The following LRBA variants were observed in gnomAD, a reference collection of about 807,000 sequenced individuals.
The protein encoded by LRBA is lipopolysaccharide-responsive and beige-like anchor protein.
Under a neutral mutation model 330.0 loss-of-function variants are expected in LRBA, and 176 were observed. The ratio of observed to expected loss-of-function variants is 0.53; its 90% CI spans 0.47 to 0.60. LRBA has a LOEUF of 0.60. Ranked by LOEUF, LRBA falls within the 20% of genes least tolerant of loss-of-function variation. LRBA has a pLI of 0.00. For synonymous variants in LRBA, 1,230 were observed against 1,193.0 expected, an observed-to-expected ratio of 1.03 and a Z score of -0.64; for missense variants, 3,259 against 3,444.8, an observed-to-expected ratio of 0.95 and a Z score of 1.35.
chr4:150,638,760 G>A (rs1269140860), intron 37 of LRBA, among the ~76,000 whole-genome samples: 1 of 127,264 alleles, frequency 7.9e-6, no homozygotes, highest in South Asian at 3.0e-4. Context: ...TGGTGGGACT[G>A]TAAACTAGTT....
chr4:150,611,699 A>G (rs907169918), intron 37 of LRBA, among the ~76,000 whole-genome samples: 3 of 152,062 alleles, frequency 2.0e-5, no homozygotes, highest in Non-Finnish European at 2.9e-5. Flanking sequence ...TTTTCAATGT[A>G]TAAGTATAAC....
intron 35 of LRBA, among the ~76,000 whole-genome samples, chr4:150,750,842 A>G (rs903818360): frequency 2.0e-5 from 3 of 151,722 alleles, no homozygotes; most frequent in Admixed American, 2.0e-4. Context: ...GTATTACTCT[A>G]TTCTCTCAGA....
chr4:150,867,959 TC>T (rs968369570), intron 21 of LRBA, 96 bp from the exon 22 acceptor site: 203 of 1,063,912 alleles, frequency 1.9e-4, no homozygotes, highest in Non-Finnish European at 2.5e-4. Flanking sequence ...CCCCTCCCTT[TC>T]CCCCCGAAAA....
At chr4:150,511,014 C>A (rs1761770273) in intron 40 of LRBA, among the ~76,000 whole-genome samples, 1 of 152,052 alleles carries the variant, frequency 6.6e-6, no homozygotes, top group Non-Finnish European at 1.5e-5. Flanking sequence ...TGCCACCATG[C>A]CTGGCTAATT....
intron 2 of LRBA, among the ~76,000 whole-genome samples, chr4:150,958,224 T>G (rs1379756912): frequency 1.3e-5 from 2 of 149,062 alleles, no homozygotes; most frequent in Non-Finnish European, 2.9e-5. Flanking sequence ...ATACATCCTC[T>G]GCAATCTAGG....
intron 40 of LRBA, among the ~76,000 whole-genome samples, chr4:150,586,245 G>A (rs1772097854): frequency 6.6e-6 from 1 of 152,100 alleles, no homozygotes; most frequent in Non-Finnish European, 1.5e-5. Context: ...ATATCTATAA[G>A]TGACCATTTT....
At chr4:150,558,137 G>C (rs1256217163) in intron 40 of LRBA, among the ~76,000 whole-genome samples, 1 of 152,076 alleles carries the variant, frequency 6.6e-6, no homozygotes, top group African/African-American at 2.4e-5. Flanking sequence ...AACCTCAAAT[G>C]ATCCACCTGC....
At chr4:150,930,949 A>G (rs969440636) in intron 2 of LRBA, among the ~76,000 whole-genome samples, 1 of 152,210 alleles carries the variant, frequency 6.6e-6, no homozygotes, top group Admixed American at 6.5e-5. Flanking sequence ...GTCCTCCTGG[A>G]TAAACGCTAT....
At chr4:150,418,498 A>G (rs1428959659) in intron 46 of LRBA, among the ~76,000 whole-genome samples, 1 of 152,232 alleles carries the variant, frequency 6.6e-6, no homozygotes, top group East Asian at 1.9e-4. Context: ...CATGCTGGGA[A>G]GAAGGTAATA....
intron 31 of LRBA, among the ~76,000 whole-genome samples, chr4:150,813,040 C>T (rs1744000391): frequency 1.3e-5 from 2 of 151,804 alleles, no homozygotes; most frequent in African/African-American, 4.8e-5. Flanking sequence ...ACCTGTAGTT[C>T]TGGCTACTTG....
At chr4:150,745,402 T>C (rs966380294) in intron 35 of LRBA, among the ~76,000 whole-genome samples, 5 of 144,328 alleles carry the variant, frequency 3.5e-5, no homozygotes, top group Middle Eastern at 3.4e-3. Flanking sequence ...AAAGCTCCAA[T>C]AGAAAATTAG....
At chr4:150,479,752 C>G (rs1408398735) in intron 42 of LRBA, among the ~76,000 whole-genome samples, 1 of 152,140 alleles carries the variant, frequency 6.6e-6, no homozygotes, top group Non-Finnish European at 1.5e-5. Context: ...CTGCTTCATT[C>G]TCTCTTGGAT....
chr4:150,560,729 G>C (rs1453422910), intron 40 of LRBA, among the ~76,000 whole-genome samples: 3 of 152,178 alleles, frequency 2.0e-5, no homozygotes, highest in Non-Finnish European at 4.4e-5. Flanking sequence ...GCTCATGCCT[G>C]TAATCTCAGC....
intron 56 of LRBA, among the ~76,000 whole-genome samples, chr4:150,269,722 ATTGT>A (rs1305704715): frequency 1.8e-4 from 28 of 152,270 alleles, no homozygotes; most frequent in African/African-American, 4.3e-4. Context: ...AGTCAGCAGG[ATTGT>A]TTGTTTGAGC....
chr4:150,618,808 A>G (rs1776014186), intron 37 of LRBA, among the ~76,000 whole-genome samples: 2 of 150,524 alleles, frequency 1.3e-5, no homozygotes, highest in South Asian at 4.2e-4. Context: ...TAAATTCACA[A>G]TAAACATTAT....
intron 2 of LRBA, among the ~76,000 whole-genome samples, chr4:150,957,239 C>A (rs1439459965): frequency 6.7e-6 from 1 of 148,438 alleles, no homozygotes; most frequent in African/African-American, 2.6e-5. Context: ...AGAGGTTTAA[C>A]TGACTCACAG....
intron 47 of LRBA, among the ~76,000 whole-genome samples, chr4:150,389,911 ATT>A (rs34355782): frequency 0.39 from 43,489 of 111,334 alleles, 6,869 homozygotes; most frequent in East Asian, 0.5. Context: ...TTGTCTGGGT[ATT>A]TTTTTTTTTT....
chr4:150,392,102 C>A (rs1744055727), intron 47 of LRBA, among the ~76,000 whole-genome samples: 1 of 151,948 alleles, frequency 6.6e-6, no homozygotes, highest in South Asian at 2.1e-4. Context: ...TATTATTCAC[C>A]CCAGCTACAC....
intron 36 of LRBA, among the ~76,000 whole-genome samples, chr4:150,713,759 T>TGAAATTAGGGAAG (rs964397627): frequency 2.0e-5 from 3 of 152,154 alleles, no homozygotes; most frequent in Admixed American, 1.3e-4. Flanking sequence ...TCTAGTTTGA[T>TGAAATTAGGGAAG]GAAATTAGGG....
Sources: gnomAD v4.1 joint callset for allele counts (sites outside exome capture counted in the v4.1 genomes callset) on GRCh38, gnomAD v4.1.1 for gene constraint, MANE v1.5 for transcripts, NCBI Gene and HGNC (gene_info 2026-07-23, HGNC 2026-07-21) for gene names.